Variants in URB2 observed in about 807,000 individuals in gnomAD.
The protein encoded by URB2 is URB2 ribosome biogenesis homolog.
A neutral mutation model predicts 120.9 loss-of-function variants in URB2; 86 were observed. The ratio of observed to expected loss-of-function variants is 0.71; its 90% CI spans 0.60 to 0.85. URB2 has a LOEUF of 0.85. Among genes scored for constraint, URB2 ranks in the 40% least tolerant of loss-of-function variants. The probability of loss-of-function intolerance (pLI) is 0.00; values close to 1 mark genes in which losing one functional copy is unlikely to be tolerated. For synonymous variants in URB2, 755 were observed against 758.4 expected (o/e 1.00, Z 0.07); for missense variants, 1,765 against 1,836.5 (o/e 0.96, Z 0.71).
chr1:229,628,696 G>T (rs1665592076), intron 2 of URB2, among the ~76,000 whole-genome samples: 1 of 152,142 alleles, frequency 6.6e-6, no homozygotes, highest in Non-Finnish European at 1.5e-5. Flanking sequence ...TTTAGAAATG[G>T]GCTAGGTACC....
chr1:229,635,837 G>A lies in URB2; in HGVS notation c.1224G>A (p.Trp408Ter), dbSNP rs753486076. ...INHAQAPIPA[W>*]FRCLKTLISL... ...ATGCACAAGCACCCATACCGGCCTG[G>A]TTCCGCTGTCTGAAGACTTTGATAT... Residue 408 changes from tryptophan to a stop codon, truncating the protein, a stop_gained, in exon 4 of 10, where the codon TGG becomes TGA. Coordinates refer to ENST00000258243, the MANE Select transcript of URB2 (RefSeq NM_014777.4). LOFTEE classifies it high-confidence loss of function. 3 of 1,614,032 alleles carry A rather than the reference G, an allele frequency of 1.9e-6. No individual in the cohort carries two copies. The highest frequency in any genetic ancestry group is 1.1e-5 in the South Asian group (1 of 91,094).
chr1:229,626,784 G>C (rs1665495927), intron 1 of URB2, among the ~76,000 whole-genome samples: 1 of 152,246 alleles, frequency 6.6e-6, no homozygotes, highest in Non-Finnish European at 1.5e-5. Context: ...TGTCGCGATG[G>C]CGGTTCTATG....
intron 6 of URB2, among the ~76,000 whole-genome samples, 182 bp from the exon 7 acceptor site, chr1:229,647,328 G>A (rs947346742): frequency 4.6e-5 from 7 of 152,160 alleles, no homozygotes; most frequent in African/African-American, 1.7e-4. Flanking sequence ...ATCATGAATT[G>A]AATATCTTTC....
At chr1:229,640,631 G>C (rs1256153547) in intron 4 of URB2, among the ~76,000 whole-genome samples, 1 of 152,192 alleles carries the variant, frequency 6.6e-6, no homozygotes, top group Non-Finnish European at 1.5e-5. Context: ...TTCGGTACGT[G>C]AGGGTTAAAT....
rs574418627 is a variant in URB2 at position 229,631,557 on chromosome 1, G to A, written c.127-712G>A. ...TAGTCCTTCCACTTGAACACCTGGA[G>A]GCCATTGTAGGGTTAGCTGGCCTAA... On this transcript the variant is annotated intron_variant, in intron 2 of 9. Coordinates refer to ENST00000258243, the MANE Select transcript of URB2 (RefSeq NM_014777.4). Among the ~76,000 whole-genome samples, 4 of 152,284 alleles carry A rather than the reference G, an allele frequency of 2.6e-5. No homozygotes were observed. The South Asian group carries it at 8.3e-4, about 32-fold the overall frequency.
intron 8 of URB2, among the ~76,000 whole-genome samples, chr1:229,652,788 G>C (rs1241254786): frequency 5.3e-5 from 8 of 152,234 alleles, no homozygotes; most frequent in Non-Finnish European, 1.5e-5. Flanking sequence ...GCTCAGCAGT[G>C]GTGGAGCACA....
chr1:229,645,852 G>GC lies in URB2; in HGVS notation c.3796-3dup. On this transcript the variant is annotated splice_region_variant and splice_polypyrimidine_tract_variant and intron_variant, in intron 5 of 9. Coordinates refer to ENST00000258243, the MANE Select transcript of URB2 (RefSeq NM_014777.4). ...TCTGCCGCTAAGTTTTTTCTCTCTTGCCCCAGGCTGTTGTGTCAGCTGTTA... is the reference window on the plus strand; with the variant it reads ...TCTGCCGCTAAGTTTTTTCTCTCTTGCCCCCAGGCTGTTGTGTCAGCTGTTA... The GC allele has an allele frequency of 6.2e-7, 1 of 1,613,564 alleles. No homozygotes were observed. The highest frequency in any genetic ancestry group is 8.5e-7 in the Non-Finnish European group (1 of 1,179,660).
rs1372421431 is a variant in URB2 at position 229,636,601 on chromosome 1, C to T, written c.1988C>T (p.Thr663Ile). The change falls in exon 4 of 10, where the codon ACA becomes ATA. Residue 663 changes from threonine (T) to isoleucine (I), a missense_variant. Physicochemically the swap from Thr to Ile is moderately conservative, Grantham distance 89 (BLOSUM62 -1). Coordinates refer to ENST00000258243, the MANE Select transcript of URB2 (RefSeq NM_014777.4). ...TQHWKKIEKF[T>I]AQFSSLGTYC... ...CATTGGAAGAAGATAGAGAAGTTTA[C>T]AGCTCAGTTCAGCTCTCTTGGTACA... is the stretch of plus-strand genomic sequence containing the variant. 3 of 1,614,088 alleles carry T rather than the reference C, an allele frequency of 1.9e-6. No homozygotes were observed. Among genetic ancestry groups the T allele is most frequent in the Non-Finnish European group, 2.5e-6 (3 of 1,180,024 alleles).
At chr1:229,645,634 C>T (rs1439871100) in intron 5 of URB2, among the ~76,000 whole-genome samples, 1 of 152,112 alleles carries the variant, frequency 6.6e-6, no homozygotes, top group East Asian at 1.9e-4. Flanking sequence ...CCTGACTTTG[C>T]CCCAGCTCTG....
chr1:229,635,764 A>T lies in URB2; in HGVS notation c.1151A>T (p.Glu384Val). ...NIAADRIRHE[E>V]AQFRFYRHVA... ...GCTGCCGACAGAATTCGGCACGAAG[A>T]GGCTCAGTTCCGCTTTTACCGCCAC... Residue 384 changes from glutamate to valine, a missense_variant, in exon 4 of 10, where the codon GAG becomes GTG. Transcript: ENST00000258243. 2 of 1,614,208 alleles carry T rather than the reference A, an allele frequency of 1.2e-6. No homozygotes were observed. Among genetic ancestry groups the T allele is most frequent in the East Asian group, 2.2e-5 (1 of 44,880 alleles).
chr1:229,647,437 CAG>C, intron 6 of URB2, 71 bp from the exon 7 acceptor site: 1 of 1,536,086 alleles, frequency 6.5e-7, no homozygotes, highest in Non-Finnish European at 8.8e-7. Context: ...CTCAGTCACT[CAG>C]AGCTGCAGTG....
intron 3 of URB2, among the ~76,000 whole-genome samples, chr1:229,633,896 A>G (rs889045258): frequency 6.6e-6 from 1 of 152,050 alleles, no homozygotes; most frequent in African/African-American, 2.4e-5. Flanking sequence ...CAGTGGTGTG[A>G]TCTTGGCTCA....
Position 229,637,996 on chromosome 1 carries a change from T to G in URB2, c.3383T>G (p.Leu1128Arg). The G allele has an allele frequency of 6.2e-7, 1 of 1,613,612 alleles. No individual in the cohort carries two copies. The change falls in exon 4 of 10, where the codon CTG becomes CGG. Residue 1128 changes from leucine (L) to arginine (R), a missense_variant. Physicochemically the swap from Leu to Arg is moderately radical, Grantham distance 102. Transcript: ENST00000258243. Reference protein sequence around the residue: ...SSVSTLLEADLGQHCRDGGAD... With the variant: ...SSVSTLLEADRGQHCRDGGAD... ...GTCAGCACGCTCTTGGAAGCCGACC[T>G]GGGTCAGCACTGCAGGGATGGAGGG...
At chr1:229,658,540 T>A (rs1666454416) in intron 9 of URB2, among the ~76,000 whole-genome samples, 1 of 152,174 alleles carries the variant, frequency 6.6e-6, no homozygotes, top group South Asian at 2.1e-4. Context: ...TGCTCTTGGG[T>A]GATATGATGT....
chr1:229,628,215 T>C (rs1665575173), intron 2 of URB2, among the ~76,000 whole-genome samples: 1 of 144,866 alleles, frequency 6.9e-6, no homozygotes, highest in South Asian at 2.1e-4. Flanking sequence ...ATATTATACA[T>C]ATACATATTA....
At chr1:229,656,564 C>T (rs1380290822) in intron 9 of URB2, among the ~76,000 whole-genome samples, 1 of 152,210 alleles carries the variant, frequency 6.6e-6, no homozygotes, top group Non-Finnish European at 1.5e-5. Flanking sequence ...GCAGCTTCTA[C>T]TGAGAGAGCC....
intron 7 of URB2, among the ~76,000 whole-genome samples, chr1:229,650,533 C>T (rs1328054622): frequency 1.3e-5 from 2 of 151,936 alleles, no homozygotes; most frequent in Non-Finnish European, 2.9e-5. Flanking sequence ...TGGGTTCAAG[C>T]AGTTTTTGTG....
At position 229,645,856 on chromosome 1, in the gene URB2, C is replaced by T. The variant is rs766058977; in HGVS notation, c.3796-3C>T. 1.2e-6 allele frequency: 2 copies of T among 1,613,850 alleles called. No homozygotes were observed. Among genetic ancestry groups the T allele is most frequent in the South Asian group, 2.2e-5 (2 of 91,076 alleles). ...CCGCTAAGTTTTTTCTCTCTTGCCCCAGGCTGTTGTGTCAGCTGTTACACT... is the reference window on the plus strand; with the variant it reads ...CCGCTAAGTTTTTTCTCTCTTGCCCTAGGCTGTTGTGTCAGCTGTTACACT... On this transcript the variant is annotated splice_region_variant and splice_polypyrimidine_tract_variant and intron_variant, in intron 5 of 9. Coordinates refer to ENST00000258243, the MANE Select transcript of URB2 (RefSeq NM_014777.4).
Position 229,635,267 on chromosome 1 carries a change from G to A in URB2, c.654G>A (p.Thr218=), listed in dbSNP as rs764018181. 38 of 1,614,078 alleles carry A rather than the reference G, an allele frequency of 2.4e-5. No homozygotes were observed. Among genetic ancestry groups the A allele is most frequent in the Admixed American group, 5.0e-5 (3 of 60,016 alleles). Residue 218 remains threonine (T), a synonymous_variant, in exon 4 of 10, where the codon ACG becomes ACA. Transcript: ENST00000258243. The part of the protein sequence containing the change: ...LRHLLSGGTW[T]QAGQGQLRQV... ...ACTTACTCTCTGGGGGCACATGGAC[G>A]CAGGCTGGCCAGGGCCAGCTGAGGC...
Sources: allele counts gnomAD v4.1 joint callset (sites outside exome capture counted in the v4.1 genomes callset), GRCh38; gene constraint gnomAD v4.1.1; transcripts MANE v1.5; gene names NCBI Gene and HGNC (gene_info 2026-07-23, HGNC 2026-07-21).